MFHAS1: variants seen among roughly 807,000 people sequenced by gnomAD.
MFHAS1 encodes multifunctional ROCO family signaling regulator 1.
In MFHAS1, 50 loss-of-function variants were observed where a neutral mutation model predicts 70.4. That is an observed-to-expected ratio of 0.71 (90% CI 0.57 to 0.90). MFHAS1 has a LOEUF of 0.90. Among genes scored for constraint, MFHAS1 ranks in the 40% least tolerant of loss-of-function variants. The pLI, the probability that MFHAS1 is intolerant of heterozygous loss-of-function variation, is 0.00. For synonymous variants in MFHAS1, 952 were observed against 620.0 expected, an observed-to-expected ratio of 1.54 and a Z score of -7.96; for missense variants, 1,795 against 1,347.6, an observed-to-expected ratio of 1.33 and a Z score of -5.20.
chr8:8,821,141 T>C (rs916411824), intron 1 of MFHAS1, among the ~76,000 whole-genome samples: 4 of 152,122 alleles, frequency 2.6e-5, no homozygotes, highest in African/African-American at 9.7e-5. Flanking sequence ...CTGCGAGTCC[T>C]TGGGTGTCAG....
intron 1 of MFHAS1, among the ~76,000 whole-genome samples, chr8:8,844,292 A>G (rs1271764437): frequency 1.3e-5 from 2 of 152,214 alleles, no homozygotes; most frequent in Admixed American, 1.3e-4. Context: ...CAATATTACT[A>G]TTTCTCTTTA....
chr8:8,801,724 T>C (rs1478699399), intron 1 of MFHAS1, among the ~76,000 whole-genome samples: 3 of 152,182 alleles, frequency 2.0e-5, no homozygotes, highest in African/African-American at 7.2e-5. Flanking sequence ...GAGACCTTAC[T>C]GTGGGTGAGG....
At chr8:8,805,414 G>A (rs1483935379) in intron 1 of MFHAS1, among the ~76,000 whole-genome samples, 1 of 152,124 alleles carries the variant, frequency 6.6e-6, no homozygotes, top group Non-Finnish European at 1.5e-5. Flanking sequence ...AATAAAATAA[G>A]CTAGAAAAAA....
intron 1 of MFHAS1, among the ~76,000 whole-genome samples, chr8:8,848,880 G>A (rs958503096): frequency 2.0e-5 from 3 of 152,026 alleles, no homozygotes; most frequent in African/African-American, 7.3e-5. Context: ...TTTAAAAACT[G>A]GTTAAATCAA....
Position 8,784,437 on chromosome 8 carries a change from T to C in MFHAS1, c.*1585A>G, listed in dbSNP as rs1001160617. The C allele has an allele frequency of 6.6e-6, 1 of 152,176 alleles. No individual in the cohort carries two copies. Among genetic ancestry groups the C allele is most frequent in the Non-Finnish European group, 1.5e-5 (1 of 68,032 alleles). The allele number at this position is 152,176 out of a possible 1,614,324, so 9.4% of individuals were successfully genotyped here. A position where few individuals can be genotyped will look rare whatever the true frequency, so the allele number is the denominator to read the frequency against. On this transcript the variant is annotated 3_prime_UTR_variant, in exon 3 of 3. Transcript: ENST00000276282. ...TTAAAAAAATGCAAACATCGTCTGA[T>C]CCCATTCGATTTTTATCATCATAAG...
At chr8:8,816,423 T>C (rs1350623793) in intron 1 of MFHAS1, among the ~76,000 whole-genome samples, 2 of 152,060 alleles carry the variant, frequency 1.3e-5, no homozygotes, top group African/African-American at 4.8e-5. Context: ...GAAAATAAAA[T>C]GCTTGACAGA....
intron 1 of MFHAS1, among the ~76,000 whole-genome samples, chr8:8,835,197 C>A (rs933144785): frequency 2.0e-5 from 3 of 151,814 alleles, no homozygotes; most frequent in Non-Finnish European, 4.4e-5. Context: ...AGTGAATGCT[C>A]TCTATCTTGA....
At chr8:8,868,976 T>C (rs544378659) in intron 1 of MFHAS1, among the ~76,000 whole-genome samples, 3 of 152,320 alleles carry the variant, frequency 2.0e-5, no homozygotes, top group African/African-American at 2.4e-5. Context: ...AAAAAGATTA[T>C]GGGCATGTTC....
intron 1 of MFHAS1, among the ~76,000 whole-genome samples, chr8:8,811,805 G>C (rs965243450): frequency 1.3e-5 from 2 of 152,194 alleles, no homozygotes; most frequent in African/African-American, 4.8e-5. Flanking sequence ...TAAACACGGA[G>C]GTCTCTCAAG....
intron 1 of MFHAS1, among the ~76,000 whole-genome samples, chr8:8,848,139 G>A (rs1314000779): frequency 6.6e-6 from 1 of 152,222 alleles, no homozygotes; most frequent in Non-Finnish European, 1.5e-5. Flanking sequence ...GCACTGGCTA[G>A]TCCCTTTGCT....
intron 1 of MFHAS1, among the ~76,000 whole-genome samples, chr8:8,846,870 C>T (rs1320955470): frequency 6.6e-6 from 1 of 152,142 alleles, no homozygotes; most frequent in Non-Finnish European, 1.5e-5. Context: ...ATGTAAAACC[C>T]ATAAAAACAA....
chr8:8,838,076 C>T (rs2116847835), intron 1 of MFHAS1, among the ~76,000 whole-genome samples: 1 of 152,310 alleles, frequency 6.6e-6, no homozygotes, highest in Middle Eastern at 3.4e-3. Flanking sequence ...GCATATTCAG[C>T]AATAAGATGG....
intron 2 of MFHAS1, among the ~76,000 whole-genome samples, chr8:8,795,641 C>T (rs886883003): frequency 6.6e-6 from 1 of 152,188 alleles, no homozygotes; most frequent in Admixed American, 6.5e-5. Flanking sequence ...GGCACTGAGC[C>T]GAGTGCCCTC....
In MFHAS1 at chr8:8,875,466, C is replaced by T. The variant is rs1033718753; in HGVS notation, c.2998+14595G>A. On this transcript the variant is annotated intron_variant, in intron 1 of 2. Transcript: ENST00000276282. Reference sequence around the variant, plus strand: ...AAAATCAATATTTGAATTATTTATACAATTATAACTACATATTTTTAAAAC... The same window carrying T: ...AAAATCAATATTTGAATTATTTATATAATTATAACTACATATTTTTAAAAC... 3.3e-5 allele frequency among the ~76,000 whole-genome samples: 5 copies of T among 152,248 alleles called. No homozygotes were observed. In the South Asian group the frequency reaches 1.0e-3, roughly 32 times the overall value.
chr8:8,826,841 G>A (rs140531831), intron 1 of MFHAS1, among the ~76,000 whole-genome samples: 90 of 152,186 alleles, frequency 5.9e-4, no homozygotes, highest in African/African-American at 1.9e-3. Flanking sequence ...TGTGAGGTCC[G>A]GTACAGTGCA....
chr8:8,891,427 C>G lies in MFHAS1; in HGVS notation c.1632G>C (p.Glu544Asp), dbSNP rs1281263550. The change falls in exon 1 of 3, where the codon GAG becomes GAC. Residue 544 changes from glutamate (E) to aspartate (D), a missense_variant. Coordinates refer to ENST00000276282, the MANE Select transcript of MFHAS1 (RefSeq NM_004225.3). This position sits in a 1 kb window ranked among gnomAD's most constrained non-coding sequence, Gnocchi z 5.4. ...IVGTHADLCG[E>D]RELEEKCLDI... The stretch of plus-strand genomic sequence containing the variant: ...CCAGACATTTCTCCTCCAGCTCACG[C>G]TCTCCGCACAGGTCTGCGTGGGTGC... 6 of 1,612,912 alleles carry G rather than the reference C, an allele frequency of 3.7e-6. No individual in the cohort carries two copies. The highest frequency in any genetic ancestry group is 1.6e-4 in the Middle Eastern group (1 of 6,062).
intron 2 of MFHAS1, among the ~76,000 whole-genome samples, chr8:8,788,380 T>C (rs937038313): frequency 1.3e-5 from 2 of 152,146 alleles, no homozygotes; most frequent in African/African-American, 2.4e-5. Flanking sequence ...AAGAGGTATA[T>C]AAAAAGTACT....
rs183734261 is a variant in MFHAS1, at chr8:8,788,940, G to A, written c.3126-2885C>T. On this transcript the variant is annotated intron_variant, in intron 2 of 2. Transcript: ENST00000276282. The stretch of plus-strand genomic sequence containing the variant: ...TGGGTCTGATTGTGCAGGGCCTTGT[G>A]AGCCACGGCCAGGAGTTTGAACTTG... 7.2e-5 allele frequency among the ~76,000 whole-genome samples: 11 copies of A among 152,318 alleles called. No individual in the cohort carries two copies. In the East Asian group the frequency reaches 7.7e-4, roughly 11 times the overall value.
At chr8:8,841,665 C>A (rs1020785771) in intron 1 of MFHAS1, among the ~76,000 whole-genome samples, 1 of 152,060 alleles carries the variant, frequency 6.6e-6, no homozygotes, top group Non-Finnish European at 1.5e-5. Context: ...TAAGTAGCTC[C>A]TTCCAGGCTG....
Sources: gnomAD v4.1 joint callset for allele counts (sites outside exome capture counted in the v4.1 genomes callset) on GRCh38, gnomAD v4.1.1 for gene constraint, Gnocchi (gnomAD v3.1) non-coding constraint, MANE v1.5 for transcripts, NCBI Gene and HGNC (gene_info 2026-07-23, HGNC 2026-07-21) for gene names.